MRS2: variants seen among roughly 807,000 people sequenced by gnomAD.
MRS2 encodes magnesium transporter MRS2 homolog, mitochondrial.
In MRS2, 40 loss-of-function variants were observed where a neutral mutation model predicts 52.6. That is an observed-to-expected ratio of 0.76 (90% CI 0.59 to 0.99). The LOEUF (loss-of-function observed/expected upper bound fraction) is 0.99. Ranked by LOEUF, MRS2 falls within the 50% of genes least tolerant of loss-of-function variation. The pLI, the probability that MRS2 is intolerant of heterozygous loss-of-function variation, is 0.00. For missense variants in MRS2, 472 were observed against 532.7 expected (o/e 0.89, Z 1.12); for synonymous variants, 193 against 195.9 (o/e 0.98, Z 0.13).
chr6:24,423,478 T>TA, intron 10 of MRS2, 106 bp from the exon 11 acceptor site: 1 of 573,454 alleles, frequency 1.7e-6, no homozygotes, highest in Non-Finnish European at 3.1e-6. Flanking sequence ...AAGACACTGA[T>TA]ACTGCTTATA....
Position 24,423,878 on chromosome 6 carries a change from A to G in MRS2, c.*184A>G, listed in dbSNP as rs1399399074. 5 of 359,588 alleles carry G rather than the reference A, an allele frequency of 1.4e-5. No homozygotes were observed. The highest frequency in any genetic ancestry group is 1.0e-4 in the African/African-American group (5 of 48,294). The allele number at this position is 359,588 out of a possible 1,614,324, so 22.3% of individuals were successfully genotyped here. ...TTCCAGAATTCTGAGTTAAAGAAACAAAGTATTTGCTTTGTAAAAGGCCAA... is the reference window on the plus strand; with the variant it reads ...TTCCAGAATTCTGAGTTAAAGAAACGAAGTATTTGCTTTGTAAAAGGCCAA... On this transcript the variant is annotated 3_prime_UTR_variant, in exon 11 of 11. Coordinates refer to ENST00000378386, the MANE Select transcript of MRS2 (RefSeq NM_020662.4).
chr6:24,423,102 C>T (rs749644781), intron 10 of MRS2, 52 bp downstream of exon 10: 2 of 1,445,600 alleles, frequency 1.4e-6, no homozygotes, highest in Admixed American at 2.0e-5. Flanking sequence ...TGATCATGGG[C>T]CCTAAAGTCA....
In MRS2 at chr6:24,418,480, A is replaced by C. The variant is rs756973717; in HGVS notation, c.1009A>C (p.Arg337=). The C allele has an allele frequency of 6.2e-7, 1 of 1,614,002 alleles. No homozygotes were observed. The highest frequency in any genetic ancestry group is 8.5e-7 in the Non-Finnish European group (1 of 1,179,994). The part of the protein sequence containing the change: ...NLDSHRNVMM[R]LNLQLTMGTF... ...CTCCAGCCACCGAAACGTGATGATG[A>C]GGTTGAATCTACAGCTGACCATGGG... Residue 337 remains arginine, a synonymous_variant, in exon 9 of 11, where the codon AGG becomes CGG. Coordinates refer to ENST00000378386, the MANE Select transcript of MRS2 (RefSeq NM_020662.4).
intron 9 of MRS2, 65 bp from the exon 10 acceptor site, chr6:24,422,872 C>A: frequency 1.8e-6 from 2 of 1,090,936 alleles, no homozygotes; most frequent in South Asian, 1.4e-5. Context: ...GGGGCAGTAA[C>A]AATTCAAGGA....
intron 7 of MRS2, among the ~76,000 whole-genome samples, chr6:24,417,071 T>C (rs970821498): frequency 6.6e-6 from 1 of 152,224 alleles, no homozygotes; most frequent in Non-Finnish European, 1.5e-5. Context: ...TTGTAATGAG[T>C]TTAGTTTCCA....
chr6:24,406,047 G>A (rs1761462925), intron 2 of MRS2, among the ~76,000 whole-genome samples: 1 of 148,646 alleles, frequency 6.7e-6, no homozygotes, highest in Non-Finnish European at 1.5e-5. Context: ...GGAGCTTGCA[G>A]TGAGCCTGGA....
chr6:24,404,358 T>G (rs942827023), intron 1 of MRS2, among the ~76,000 whole-genome samples: 3 of 152,228 alleles, frequency 2.0e-5, no homozygotes, highest in Non-Finnish European at 4.4e-5. Context: ...CCTTTATTCA[T>G]CTTACCCTTA....
chr6:24,406,510 A>G (rs1761481260), intron 2 of MRS2, among the ~76,000 whole-genome samples: 1 of 152,170 alleles, frequency 6.6e-6, no homozygotes, highest in Admixed American at 6.5e-5. Flanking sequence ...ACGGTGGCTC[A>G]CGCCTGTAAT....
chr6:24,416,330 A>G (rs113731132), intron 6 of MRS2, 67 bp from the exon 7 acceptor site: 8,876 of 695,744 alleles, frequency 0.013, 81 homozygotes, highest in Non-Finnish European at 0.016. Flanking sequence ...ATACTCTAAA[A>G]ACACTATTAT....
chr6:24,412,888 G>A (rs1761717027), intron 5 of MRS2, among the ~76,000 whole-genome samples: 1 of 152,114 alleles, frequency 6.6e-6, no homozygotes, highest in Non-Finnish European at 1.5e-5. Context: ...AGTCAGGATG[G>A]TACTGTTCAG....
intron 9 of MRS2, among the ~76,000 whole-genome samples, chr6:24,422,188 G>A (rs558687311): frequency 1.3e-5 from 2 of 152,306 alleles, no homozygotes; most frequent in South Asian, 4.1e-4. Flanking sequence ...TGTTCAATAA[G>A]TGACATGCAT....
intron 10 of MRS2, 175 bp from the exon 11 acceptor site, chr6:24,423,409 T>C (rs1407323115): frequency 4.1e-6 from 2 of 493,328 alleles, no homozygotes; most frequent in Non-Finnish European, 7.3e-6. Context: ...TCTTAAAAGA[T>C]AGAAAATTCA....
chr6:24,408,089 G>C (rs1761533445), intron 2 of MRS2, among the ~76,000 whole-genome samples: 1 of 152,064 alleles, frequency 6.6e-6, no homozygotes, highest in South Asian at 2.1e-4. Flanking sequence ...CAGTCTACCA[G>C]TCAATGGTCA....
chr6:24,409,711 T>A, intron 4 of MRS2, 138 bp downstream of exon 4: 1 of 586,478 alleles, frequency 1.7e-6, no homozygotes, highest in Non-Finnish European at 3.0e-6. Context: ...GTTTTATAGC[T>A]TAATATGCTA....
chr6:24,403,101 C>G lies in MRS2; in HGVS notation c.55C>G (p.Arg19Gly). The G allele has an allele frequency of 6.2e-7, 1 of 1,612,286 alleles. No homozygotes were observed. The highest frequency in any genetic ancestry group is 8.5e-7 in the Non-Finnish European group (1 of 1,179,748). Residue 19 changes from arginine to glycine, a missense_variant, in exon 1 of 11, where the codon CGG becomes GGG. Physicochemically the swap from Arg to Gly is moderately radical, Grantham distance 125 (BLOSUM62 -2). Transcript: ENST00000378386. ...CLLPRAMRLPRRTLCALALDV... is the reference protein window; with the variant it reads ...CLLPRAMRLPGRTLCALALDV... ...CCTGCCCCGCGCGATGAGACTTCCC[C>G]GGCGGACGCTGTGTGCCCTGGCCTT... is the stretch of plus-strand genomic sequence containing the variant.
At chr6:24,412,529 G>A in intron 5 of MRS2, 134 bp downstream of exon 5, 1 of 574,348 alleles carries the variant, frequency 1.7e-6, no homozygotes, top group Non-Finnish European at 2.9e-6. Context: ...TCGTCTCTAA[G>A]GATCCTACAT....
At chr6:24,409,695 T>C (rs764560264) in intron 4 of MRS2, 122 bp downstream of exon 4, 2 of 608,602 alleles carry the variant, frequency 3.3e-6, no homozygotes, top group Non-Finnish European at 5.8e-6. Flanking sequence ...ACCTGAAACA[T>C]AGGATGTTTT....
intron 2 of MRS2, among the ~76,000 whole-genome samples, chr6:24,406,503 G>A (rs1321770803): frequency 6.6e-6 from 1 of 152,186 alleles, no homozygotes; most frequent in Non-Finnish European, 1.5e-5. Flanking sequence ...GCCAGGCACG[G>A]TGGCTCACGC....
chr6:24,410,136 A>C (rs7769012), intron 4 of MRS2, among the ~76,000 whole-genome samples: 57,782 of 151,792 alleles, frequency 0.38, 11,448 homozygotes, highest in East Asian at 0.76. Context: ...TAAGCCACCA[A>C]ACCCAGCTAA....
Sources: gnomAD v4.1 joint callset for allele counts (sites outside exome capture counted in the v4.1 genomes callset) on GRCh38, gnomAD v4.1.1 for gene constraint, MANE v1.5 for transcripts, NCBI Gene and HGNC (gene_info 2026-07-23, HGNC 2026-07-21) for gene names.